Variants in QRICH1 observed in about 807,000 individuals in gnomAD.
The protein encoded by QRICH1 is glutamine rich 1.
In QRICH1, 16 loss-of-function variants were observed where a neutral mutation model predicts 87.1. The observed-to-expected ratio is 0.18, with a 90% confidence interval of 0.12 to 0.28. The LOEUF (loss-of-function observed/expected upper bound fraction) is 0.28. Among genes scored for constraint, QRICH1 ranks in the 10% least tolerant of loss-of-function variants. The pLI is 1.00. For synonymous variants in QRICH1, 367 were observed against 368.4 expected, an observed-to-expected ratio of 1.00 and a Z score of 0.05; for missense variants, 647 against 951.7, an observed-to-expected ratio of 0.68 and a Z score of 4.21.
intron 2 of QRICH1, among the ~76,000 whole-genome samples, chr3:49,059,390 G>C (rs1181248114): frequency 1.3e-5 from 2 of 150,998 alleles, no homozygotes; most frequent in Non-Finnish European, 2.9e-5. Context: ...TAAATAGCTA[G>C]AACTACAGGA....
rs567082655 is a variant in QRICH1 at position 49,075,154 on chromosome 3, T to C, written c.309+1555A>G. ...CTGGGCAACATAGGGAGACTATATC[T>C]CTACAAAAAAAAAAAAAATTAATTA... On this transcript the variant is annotated intron_variant, in intron 2 of 9. Coordinates refer to ENST00000395443, the MANE Select transcript of QRICH1 (RefSeq NM_198880.3). 1.7e-4 allele frequency among the ~76,000 whole-genome samples: 25 copies of C among 147,926 alleles called. No homozygotes were observed. In the South Asian group the frequency reaches 5.1e-3, roughly 30 times the overall value.
chr3:49,067,888 T>A (rs2093477332), intron 2 of QRICH1, among the ~76,000 whole-genome samples: 1 of 151,894 alleles, frequency 6.6e-6, no homozygotes, highest in Non-Finnish European at 1.5e-5. Context: ...GAGGCAGAGG[T>A]TGCAGTGAGC....
intron 6 of QRICH1, among the ~76,000 whole-genome samples, chr3:49,039,074 G>A (rs952375068): frequency 1.3e-5 from 2 of 151,546 alleles, no homozygotes; most frequent in South Asian, 4.2e-4. Context: ...AGACATAACC[G>A]GGCCAGGCGC....
chr3:49,060,368 T>C (rs2093427873), intron 2 of QRICH1, among the ~76,000 whole-genome samples: 1 of 150,878 alleles, frequency 6.6e-6, no homozygotes, highest in Admixed American at 6.6e-5. Context: ...TAATTTTTTG[T>C]ATTGTTATTA....
At chr3:49,067,932 T>TA (rs2106944968) in intron 2 of QRICH1, among the ~76,000 whole-genome samples, 1 of 149,550 alleles carries the variant, frequency 6.7e-6, no homozygotes, top group Non-Finnish European at 1.5e-5. Context: ...GCCCAGGCGA[T>TA]AGAGCGAGAC....
At chr3:49,054,470 A>ACCCCCT in intron 3 of QRICH1, among the ~76,000 whole-genome samples, 1 of 138,942 alleles carries the variant, frequency 7.2e-6, no homozygotes, top group Non-Finnish European at 1.6e-5. Context: ...GAAGGCAACA[A>ACCCCCT]CCCCACCCCC....
At chr3:49,083,571 G>C (rs1302549572) in intron 1 of QRICH1, 1 of 151,970 alleles carries the variant, frequency 6.6e-6, no homozygotes, top group Non-Finnish European at 1.5e-5. Context: ...AAACAAGCTT[G>C]AGGTAGGAAA....
chr3:49,058,366 G>A (rs761920103), intron 2 of QRICH1, among the ~76,000 whole-genome samples: 53 of 151,596 alleles, frequency 3.5e-4, no homozygotes, highest in Middle Eastern at 3.4e-3. Flanking sequence ...TCATTGTGTC[G>A]CCCAGGCTGG....
Position 49,040,001 on chromosome 3 carries a change from A to G in QRICH1, c.1786+4389T>C, listed in dbSNP as rs548124172. ...ACTTGAACCCCAGAGGCGGAGGTTG[A>G]AGTCAGCCGAGATCATACCACTGCA... On this transcript the variant is annotated intron_variant, in intron 6 of 9. Coordinates refer to ENST00000395443, the MANE Select transcript of QRICH1 (RefSeq NM_198880.3). 3.9e-5 allele frequency among the ~76,000 whole-genome samples: 6 copies of G among 152,106 alleles called. No homozygotes were observed. In the South Asian group the frequency reaches 1.2e-3, roughly 32 times the overall value.
In QRICH1 at chr3:49,032,159, C is replaced by G. The variant is rs1437725678; in HGVS notation, c.2138+24G>C. 12 of 1,559,786 alleles carry G rather than the reference C, an allele frequency of 7.7e-6. No homozygotes were observed. The Admixed American group carries it at 1.3e-4, about 17-fold the overall frequency. On this transcript the variant is annotated intron_variant, in intron 9 of 9. Coordinates refer to ENST00000395443, the MANE Select transcript of QRICH1 (RefSeq NM_198880.3). ...ATACACACACATGCGCACACATGGA[C>G]AGCAAGTCACAATAAAGCCTCACCA...
chr3:49,068,498 A>T (rs904656410), intron 2 of QRICH1, among the ~76,000 whole-genome samples: 1 of 150,848 alleles, frequency 6.6e-6, no homozygotes. Flanking sequence ...TGGGCGTAGT[A>T]GCTGTAGTCC....
At chr3:49,088,776 C>A (rs2042219210) in intron 1 of QRICH1, among the ~76,000 whole-genome samples, 1 of 151,896 alleles carries the variant, frequency 6.6e-6, no homozygotes, top group Non-Finnish European at 1.5e-5. Context: ...CAGGTCCATG[C>A]TACCACATCC....
intron 6 of QRICH1, among the ~76,000 whole-genome samples, chr3:49,040,092 T>C (rs942124484): frequency 5.3e-5 from 8 of 152,076 alleles, no homozygotes; most frequent in Non-Finnish European, 1.0e-4. Context: ...AAAAAAGATT[T>C]GCCATGGAAA....
At chr3:49,084,827 A>G (rs185722249) in intron 1 of QRICH1, among the ~76,000 whole-genome samples, 1 of 152,132 alleles carries the variant, frequency 6.6e-6, no homozygotes, top group East Asian at 1.9e-4. Flanking sequence ...AGAGTAATTA[A>G]GTTTCTTCTG....
chr3:49,061,929 C>T (rs1026387058), intron 2 of QRICH1, among the ~76,000 whole-genome samples: 1 of 152,128 alleles, frequency 6.6e-6, no homozygotes, highest in African/African-American at 2.4e-5. Flanking sequence ...AAGGAAATTC[C>T]AATCAAAGCC....
intron 1 of QRICH1, among the ~76,000 whole-genome samples, chr3:49,092,823 G>T (rs191530863): frequency 6.6e-6 from 1 of 152,266 alleles, no homozygotes; most frequent in Admixed American, 6.5e-5. Flanking sequence ...TTTCTGCTGG[G>T]ATTTCTGCAA....
At chr3:49,080,966 CAAAAAA>C (rs34230924) in intron 1 of QRICH1, among the ~76,000 whole-genome samples, 6 of 24,806 alleles carry the variant, frequency 2.4e-4, no homozygotes, top group East Asian at 1.2e-3. Flanking sequence ...AACTCCATCT[CAAAAAA>C]AAAAAAAAAA....
chr3:49,045,056 T>C (rs1287954798), intron 5 of QRICH1, among the ~76,000 whole-genome samples: 1 of 152,064 alleles, frequency 6.6e-6, no homozygotes, highest in Admixed American at 6.6e-5. Flanking sequence ...TGTGGGTTTC[T>C]CCTCAAGAGC....
At chr3:49,087,818 C>CAAAAAAAAAAAA (rs58022360) in intron 1 of QRICH1, among the ~76,000 whole-genome samples, 8,584 of 47,486 alleles carry the variant, frequency 0.18, 2,622 homozygotes, top group East Asian at 0.54. Context: ...AGGTTCATCT[C>CAAAAAAAAAAAA]AAAAAAAAAA....
Sources: gnomAD v4.1 joint callset for allele counts (sites outside exome capture counted in the v4.1 genomes callset) on GRCh38, gnomAD v4.1.1 for gene constraint, MANE v1.5 for transcripts, NCBI Gene and HGNC (gene_info 2026-07-23, HGNC 2026-07-21) for gene names.